Variants in RNF180 observed in about 807,000 individuals in gnomAD.
RNF180 encodes E3 ubiquitin-protein ligase RNF180.
Under a neutral mutation model 59.2 loss-of-function variants are expected in RNF180, and 38 were observed. The ratio of observed to expected loss-of-function variants is 0.64; its 90% CI spans 0.50 to 0.84. The LOEUF is 0.84. Ranked by LOEUF, RNF180 falls within the 40% of genes least tolerant of loss-of-function variation. RNF180 has a pLI of 0.00. For missense variants in RNF180, 705 were observed against 700.9 expected (o/e 1.01, Z -0.07); for synonymous variants, 262 against 240.3 (o/e 1.09, Z -0.84).
chr5:64,227,866 C>G (rs1741867837), intron 5 of RNF180, among the ~76,000 whole-genome samples: 1 of 152,060 alleles, frequency 6.6e-6, no homozygotes, highest in African/African-American at 2.4e-5. Context: ...CCATGTCAAC[C>G]AAGATGTACA....
Position 64,297,937 on chromosome 5 carries a change from G to T in RNF180, c.1228-27249G>T, listed in dbSNP as rs1742969600. Among the ~76,000 whole-genome samples, 4 of 151,988 alleles carry T rather than the reference G, an allele frequency of 2.6e-5. No individual in the cohort carries two copies. The South Asian group carries it at 8.3e-4, about 32-fold the overall frequency. ...TTTAAGTTCGGGGGTACATGTGCAG[G>T]ATGTGCAGGTTTGTTAGAAATGTGT... On this transcript the variant is annotated intron_variant, in intron 5 of 7. Transcript: ENST00000389100.
At chr5:64,270,096 G>A (rs534129145) in intron 5 of RNF180, among the ~76,000 whole-genome samples, 2 of 151,960 alleles carry the variant, frequency 1.3e-5, no homozygotes, top group South Asian at 4.2e-4. Flanking sequence ...AGAAATACAT[G>A]AAAAGATTCT....
chr5:64,211,882 A>C (rs547317982), intron 2 of RNF180, among the ~76,000 whole-genome samples, 183 bp from the exon 3 acceptor site: 1 of 152,246 alleles, frequency 6.6e-6, no homozygotes, highest in South Asian at 2.1e-4. Context: ...TCCCTGAAGA[A>C]ATTTTTAAAA....
chr5:64,322,598 T>G (rs1457073624), intron 5 of RNF180, among the ~76,000 whole-genome samples: 1 of 128,380 alleles, frequency 7.8e-6, no homozygotes, highest in Non-Finnish European at 1.6e-5. Context: ...GGAATATATA[T>G]ATACGTGTGT....
At chr5:64,269,371 G>A (rs935032191) in intron 5 of RNF180, among the ~76,000 whole-genome samples, 1 of 152,126 alleles carries the variant, frequency 6.6e-6, no homozygotes, top group African/African-American at 2.4e-5. Flanking sequence ...GAGGAAGTGT[G>A]TGATAGTTTT....
intron 5 of RNF180, among the ~76,000 whole-genome samples, chr5:64,317,180 G>T (rs1379378511): frequency 6.6e-6 from 1 of 152,018 alleles, no homozygotes; most frequent in Non-Finnish European, 1.5e-5. Flanking sequence ...ACATATACAG[G>T]CATACCTCAG....
chr5:64,258,683 C>G (rs1744136435), intron 5 of RNF180, among the ~76,000 whole-genome samples: 1 of 152,030 alleles, frequency 6.6e-6, no homozygotes, highest in Admixed American at 6.6e-5. Context: ...GAACAGTTGG[C>G]TTTATACATA....
At chr5:64,246,095 A>G (rs1292910660) in intron 5 of RNF180, among the ~76,000 whole-genome samples, 1 of 152,134 alleles carries the variant, frequency 6.6e-6, no homozygotes, top group African/African-American at 2.4e-5. Context: ...ACATACCGGA[A>G]TTTCTGGGAT....
intron 5 of RNF180, among the ~76,000 whole-genome samples, chr5:64,309,236 ACTCTGGCTCAGCCAGCAGTT>A (rs1356005710): frequency 6.6e-6 from 1 of 151,696 alleles, no homozygotes; most frequent in Non-Finnish European, 1.5e-5. Flanking sequence ...AATGTTAGGG[ACTCTGGCTCAGCCAGCAGTT>A]TTCAAAATAG....
rs869200360 is a variant in RNF180 at position 64,315,734 on chromosome 5, C to CAAA, written c.1228-9434_1228-9432dup. ...CTGGGCAACAAGAGCGTAACTGTCT[C>CAAA]AAAAAAAAAAAAAAAAAAAAGATTT... is the stretch of plus-strand genomic sequence containing the variant. On this transcript the variant is annotated intron_variant, in intron 5 of 7. Coordinates refer to ENST00000389100, the MANE Select transcript of RNF180 (RefSeq NM_001113561.2). 4.0e-4 allele frequency among the ~76,000 whole-genome samples: 21 copies of CAAA among 52,974 alleles called. 1 individual carries two copies. Among genetic ancestry groups the CAAA allele is most frequent in the African/African-American group, 9.9e-4 (18 of 18,154 alleles). 34.8% of individuals were successfully genotyped at this position (52,974 alleles called of 152,430 possible).
Position 64,197,602 on chromosome 5 carries a change from C to A in RNF180, c.1-3206C>A, listed in dbSNP as rs563473697. On this transcript the variant is annotated intron_variant, in intron 1 of 7. Transcript: ENST00000389100. Reference sequence around the variant, plus strand: ...AGCAGTAAATAATATTGTATTAAATCTTTTCTTTTAAGTACATCTTTTTAA... The same window carrying A: ...AGCAGTAAATAATATTGTATTAAATATTTTCTTTTAAGTACATCTTTTTAA... Among the ~76,000 whole-genome samples the A allele has an allele frequency of 4.6e-5, 7 of 152,162 alleles. No homozygotes were observed. The South Asian group carries it at 1.0e-3, about 23-fold the overall frequency.
At chr5:64,352,915 C>T (rs1197125429) in intron 7 of RNF180, among the ~76,000 whole-genome samples, 4 of 151,838 alleles carry the variant, frequency 2.6e-5, no homozygotes, top group East Asian at 3.9e-4. Flanking sequence ...CTCAAAGCTA[C>T]GGCCTTCTTT....
At chr5:64,368,426 G>A (rs531582643) in intron 7 of RNF180, among the ~76,000 whole-genome samples, 2 of 151,810 alleles carry the variant, frequency 1.3e-5, no homozygotes, top group East Asian at 3.9e-4. Context: ...AGATAGTATA[G>A]ATGAGAAATT....
chr5:64,275,305 A>G (rs1741653682), intron 5 of RNF180, among the ~76,000 whole-genome samples: 1 of 140,250 alleles, frequency 7.1e-6, no homozygotes, highest in Admixed American at 7.3e-5. Flanking sequence ...TTTAGAGAAT[A>G]AGATATAGAA....
chr5:64,289,848 T>C (rs1376440009), intron 5 of RNF180, among the ~76,000 whole-genome samples: 1 of 152,034 alleles, frequency 6.6e-6, no homozygotes, highest in Non-Finnish European at 1.5e-5. Flanking sequence ...CTCTTGGATT[T>C]GTTTATTTTT....
intron 7 of RNF180, among the ~76,000 whole-genome samples, chr5:64,350,894 T>C (rs1745775437): frequency 6.6e-6 from 1 of 152,192 alleles, no homozygotes; most frequent in African/African-American, 2.4e-5. Context: ...CAATGCGGGC[T>C]CTTTTTTGGT....
intron 7 of RNF180, among the ~76,000 whole-genome samples, chr5:64,356,564 G>A (rs547827765): frequency 1.3e-5 from 2 of 151,896 alleles, no homozygotes; most frequent in South Asian, 4.1e-4. Context: ...GTTCATTGCA[G>A]CATTATTCAC....
At chr5:64,191,867 C>T (rs149189540) in intron 1 of RNF180, among the ~76,000 whole-genome samples, 2 of 152,196 alleles carry the variant, frequency 1.3e-5, no homozygotes, top group East Asian at 3.9e-4. Flanking sequence ...AAATGCTTTC[C>T]AAGACTAATG....
intron 5 of RNF180, among the ~76,000 whole-genome samples, chr5:64,279,918 C>A (rs1283265013): frequency 2.0e-5 from 3 of 152,110 alleles, no homozygotes; most frequent in African/African-American, 7.2e-5. Flanking sequence ...CATGGTGAAA[C>A]CCCATCTCTG....
Sources: gnomAD v4.1 joint callset for allele counts (sites outside exome capture counted in the v4.1 genomes callset) on GRCh38, gnomAD v4.1.1 for gene constraint, MANE v1.5 for transcripts, NCBI Gene and HGNC (gene_info 2026-07-23, HGNC 2026-07-21) for gene names.